PACRG: variants seen among roughly 807,000 people sequenced by gnomAD.
PACRG encodes parkin coregulated gene protein.
A neutral mutation model predicts 29.7 loss-of-function variants in PACRG; 29 were observed. The observed-to-expected ratio is 0.98, with a 90% CI of 0.73 to 1.33. The LOEUF (loss-of-function observed/expected upper bound fraction) is 1.33, where lower values mean the gene tolerates loss of function less well. PACRG is among the 40% of genes most tolerant of loss of function. PACRG has a pLI of 0.00. For missense variants in PACRG, 279 were observed against 316.2 expected (o/e 0.88, Z 0.89); for synonymous variants, 116 against 118.7 (o/e 0.98, Z 0.15).
intron 2 of PACRG, among the ~76,000 whole-genome samples, chr6:162,941,647 C>A (rs1007747373): frequency 3.3e-5 from 5 of 152,286 alleles, no homozygotes; most frequent in Admixed American, 2.0e-4. Flanking sequence ...TCCACACTCT[C>A]CCCATGCACT....
chr6:162,778,790 T>C (rs534990330), intron 1 of PACRG, among the ~76,000 whole-genome samples: 1 of 152,358 alleles, frequency 6.6e-6, no homozygotes, highest in Non-Finnish European at 1.5e-5. Flanking sequence ...CCCTGAACCC[T>C]CCAGCAAGCC....
chr6:163,177,737 T>TGC (rs1779449319), intron 4 of PACRG, among the ~76,000 whole-genome samples: 1 of 141,814 alleles, frequency 7.1e-6, no homozygotes, highest in African/African-American at 2.7e-5. Flanking sequence ...TTTTTTTTTT[T>TGC]GCGGGTGGGA....
intron 2 of PACRG, among the ~76,000 whole-genome samples, chr6:162,832,256 C>A (rs535454905): frequency 6.6e-6 from 1 of 152,078 alleles, no homozygotes; most frequent in East Asian, 1.9e-4. Flanking sequence ...CTCTAATGAT[C>A]GTGATGATGA....
intron 2 of PACRG, among the ~76,000 whole-genome samples, chr6:162,938,237 T>C (rs776925638): frequency 1.3e-5 from 2 of 152,228 alleles, no homozygotes; most frequent in African/African-American, 2.4e-5. Flanking sequence ...ATTCATTCCT[T>C]TTTTATGGAT....
At chr6:163,088,957 G>T (rs556415147) in intron 3 of PACRG, among the ~76,000 whole-genome samples, 1 of 152,206 alleles carries the variant, frequency 6.6e-6, no homozygotes, top group Non-Finnish European at 1.5e-5. Flanking sequence ...GTGATCTTTT[G>T]TCTTTCATAC....
intron 2 of PACRG, among the ~76,000 whole-genome samples, chr6:162,979,842 T>C (rs1042702212): frequency 6.6e-6 from 1 of 152,100 alleles, no homozygotes; most frequent in Non-Finnish European, 1.5e-5. Flanking sequence ...GCTTTCTATT[T>C]AATAGTAATT....
chr6:163,178,203 T>C (rs1779479268), intron 4 of PACRG, among the ~76,000 whole-genome samples: 1 of 152,106 alleles, frequency 6.6e-6, no homozygotes, highest in African/African-American at 2.4e-5. Flanking sequence ...AGAGGCAGGG[T>C]CTGGGAATGC....
chr6:163,271,114 G>T (rs1393927607), intron 4 of PACRG, among the ~76,000 whole-genome samples: 1 of 152,172 alleles, frequency 6.6e-6, no homozygotes, highest in Non-Finnish European at 1.5e-5. Context: ...CAAAGCTGAA[G>T]AACTTGGAGT....
intron 4 of PACRG, among the ~76,000 whole-genome samples, chr6:163,214,582 T>G (rs1781289263): frequency 6.6e-6 from 1 of 152,048 alleles, no homozygotes; most frequent in Non-Finnish European, 1.5e-5. Flanking sequence ...TTTTTAATTT[T>G]TATTTTGTTT....
chr6:162,910,812 A>G (rs971126047), intron 2 of PACRG, among the ~76,000 whole-genome samples: 10 of 152,348 alleles, frequency 6.6e-5, no homozygotes, highest in African/African-American at 2.2e-4. Context: ...TTCATTGCCC[A>G]TAATTTTCTC....
intron 2 of PACRG, among the ~76,000 whole-genome samples, chr6:162,825,312 T>A (rs1473521942): frequency 2.6e-5 from 4 of 152,186 alleles, no homozygotes; most frequent in Non-Finnish European, 4.4e-5. Context: ...TCTGAAGACT[T>A]CTGGAGTCAT....
At chr6:162,974,476 T>C (rs1412255622) in intron 2 of PACRG, among the ~76,000 whole-genome samples, 1 of 152,202 alleles carries the variant, frequency 6.6e-6, no homozygotes, top group African/African-American at 2.4e-5. Context: ...ACTTTAAGAA[T>C]TGTAGTCTCA....
rs1008922448 is a variant in PACRG, at chr6:163,243,254, T to G, written c.614-71573T>G. Among the ~76,000 whole-genome samples, 5 of 152,202 alleles carry G rather than the reference T, an allele frequency of 3.3e-5. No homozygotes were observed. The South Asian group carries it at 1.0e-3, about 32-fold the overall frequency. ...AAGTCTCCCTGGGCCCCCAGCTGGCTGTTGCTGACAGTGCCACACAGTCAC... is the reference window on the plus strand; with the variant it reads ...AAGTCTCCCTGGGCCCCCAGCTGGCGGTTGCTGACAGTGCCACACAGTCAC... On this transcript the variant is annotated intron_variant, in intron 4 of 4. Coordinates refer to ENST00000366888, the MANE Select transcript of PACRG (RefSeq NM_001080379.2).
At chr6:162,972,726 C>T (rs1376382855) in intron 2 of PACRG, among the ~76,000 whole-genome samples, 1 of 152,162 alleles carries the variant, frequency 6.6e-6, no homozygotes, top group Non-Finnish European at 1.5e-5. Flanking sequence ...ACATCTCAAG[C>T]TGCCTTTCAA....
intron 2 of PACRG, among the ~76,000 whole-genome samples, chr6:162,923,436 A>G (rs1451617476): frequency 6.6e-6 from 1 of 152,086 alleles, no homozygotes; most frequent in East Asian, 1.9e-4. Context: ...TTGCTATGCC[A>G]ATTTCTTAGA....
intron 1 of PACRG, among the ~76,000 whole-genome samples, chr6:162,762,627 G>A (rs1782465334): frequency 6.6e-6 from 1 of 152,182 alleles, no homozygotes. Context: ...ACTTAATATG[G>A]CAGGGATAAC....
intron 1 of PACRG, among the ~76,000 whole-genome samples, chr6:162,782,894 A>G (rs1396406314): frequency 2.0e-5 from 3 of 151,908 alleles, no homozygotes; most frequent in Non-Finnish European, 4.4e-5. Context: ...TAATTCTTAC[A>G]ACTTGGTGAG....
chr6:163,174,597 G>C (rs538351471), intron 4 of PACRG, among the ~76,000 whole-genome samples: 9 of 152,188 alleles, frequency 5.9e-5, no homozygotes, highest in African/African-American at 2.2e-4. Context: ...AGTAAGTAAG[G>C]GTCTCTATTT....
intron 4 of PACRG, among the ~76,000 whole-genome samples, chr6:163,227,661 G>A (rs1394196727): frequency 6.6e-6 from 1 of 152,114 alleles, no homozygotes; most frequent in East Asian, 1.9e-4. Flanking sequence ...TACTGATGGG[G>A]ACTACAAAGC....
Sources: gnomAD v4.1 joint callset for allele counts (sites outside exome capture counted in the v4.1 genomes callset) on GRCh38, gnomAD v4.1.1 for gene constraint, MANE v1.5 for transcripts, NCBI Gene and HGNC (gene_info 2026-07-23, HGNC 2026-07-21) for gene names.